Variants in MGAT4C observed in about 807,000 individuals in gnomAD.
MGAT4C encodes MGAT4 family member C, also known as alpha-1,3-mannosyl-glycoprotein 4-beta-N-acetylglucosaminyltransferase C.
Under a neutral mutation model 40.1 loss-of-function variants are expected in MGAT4C, and 19 were observed. That is an observed-to-expected ratio of 0.47 (90% CI 0.33 to 0.70). MGAT4C has a LOEUF of 0.70. MGAT4C is among the 30% of genes least tolerant of loss of function. MGAT4C has a pLI of 0.02. For missense variants in MGAT4C, 491 were observed against 563.2 expected, an observed-to-expected ratio of 0.87 and a Z score of 1.30; for synonymous variants, 181 against 187.1, an observed-to-expected ratio of 0.97 and a Z score of 0.27.
chr12:86,646,859 T>C (rs904918646), intron 2 of MGAT4C, among the ~76,000 whole-genome samples: 21 of 151,982 alleles, frequency 1.4e-4, no homozygotes, highest in Non-Finnish European at 2.6e-4. Context: ...TGGGGTAGAA[T>C]ATTATGTTTT....
chr12:86,768,486 A>C (rs943271167), intron 1 of MGAT4C, among the ~76,000 whole-genome samples: 2 of 151,988 alleles, frequency 1.3e-5, no homozygotes, highest in African/African-American at 4.8e-5. Flanking sequence ...CAAGCTACCA[A>C]TGACTTTCTT....
At chr12:86,767,578 G>A (rs562364625) in intron 1 of MGAT4C, among the ~76,000 whole-genome samples, 34 of 152,110 alleles carry the variant, frequency 2.2e-4, no homozygotes, top group Non-Finnish European at 8.8e-5. Context: ...GAGAATTTGA[G>A]ACCAATATCC....
At position 85,980,179 on chromosome 12, in the gene MGAT4C, C is replaced by G; in HGVS notation, c.547G>C (p.Asp183His). 1 of 1,613,932 alleles carries G rather than the reference C, an allele frequency of 6.2e-7. No individual in the cohort carries two copies. The highest frequency in any genetic ancestry group is 1.1e-5 in the South Asian group (1 of 91,080). ...HAPEEYYPIL[D>H]GLKRNYNDPE... ...TCATTGTAATTTCTTTTAAGGCCAT[C>G]TAGGATTGGGTAATACTCCTCTGGA... is the stretch of plus-strand genomic sequence containing the variant. The change falls in exon 5 of 5, where the codon GAT (aspartate) becomes CAT (histidine). Residue 183 changes from aspartate (D) to histidine (H), a missense_variant. By Grantham distance (81) the Asp-to-His change is moderately conservative (BLOSUM62 -1). Coordinates refer to ENST00000611864, the MANE Select transcript of MGAT4C (RefSeq NM_001351288.2).
At chr12:86,628,822 G>C (rs191531224) in intron 2 of MGAT4C, among the ~76,000 whole-genome samples, 308 of 152,208 alleles carry the variant, frequency 2.0e-3, no homozygotes, top group Non-Finnish European at 2.6e-3. Context: ...TTGACGCTAG[G>C]AAGAAACTGC....
chr12:85,964,478 A>C lies in MGAT4C; in HGVS notation c.*14811T>G, dbSNP rs117325149. The C allele has an allele frequency of 1.3e-5, 2 of 152,142 alleles. No individual in the cohort carries two copies. The highest frequency in any genetic ancestry group is 4.8e-5 in the African/African-American group (2 of 41,442). 9.4% of individuals were successfully genotyped at this position (152,142 alleles called of 1,614,324 possible). ...TTTCAGGTTCTTAAGCAACATTCCT[A>C]AGACTAGAACCTTATCTTGAAAAAT... is the stretch of plus-strand genomic sequence containing the variant. On this transcript the variant is annotated 3_prime_UTR_variant, in exon 5 of 5. Coordinates refer to ENST00000611864, the MANE Select transcript of MGAT4C (RefSeq NM_001351288.2).
intron 2 of MGAT4C, among the ~76,000 whole-genome samples, chr12:86,692,700 A>T (rs1308143218): frequency 6.6e-6 from 1 of 152,152 alleles, no homozygotes. Context: ...TAGTGGTGTA[A>T]GGATTTTTAA....
At chr12:86,163,371 TTTG>T (rs1490859546) in intron 1 of MGAT4C, among the ~76,000 whole-genome samples, 1 of 152,092 alleles carries the variant, frequency 6.6e-6, no homozygotes, top group South Asian at 2.1e-4. Flanking sequence ...TTAAAAACTT[TTTG>T]TAGAGACAGG....
intron 2 of MGAT4C, among the ~76,000 whole-genome samples, chr12:86,600,046 A>G (rs1565875245): frequency 6.6e-6 from 1 of 152,210 alleles, no homozygotes; most frequent in Non-Finnish European, 1.5e-5. Context: ...AGTAGCAAAC[A>G]GGGTGCTAAA....
At chr12:86,568,545 C>CATATATATATAT (rs1232291041) in intron 2 of MGAT4C, among the ~76,000 whole-genome samples, 321 of 138,744 alleles carry the variant, frequency 2.3e-3, no homozygotes, top group South Asian at 8.9e-3. Context: ...AACTCCCCTT[C>CATATATATATAT]ATATATATAT....
intron 2 of MGAT4C, among the ~76,000 whole-genome samples, chr12:85,992,627 A>G (rs1403013632): frequency 6.6e-6 from 1 of 152,262 alleles, no homozygotes; most frequent in African/African-American, 2.4e-5. Flanking sequence ...TGGAAAGTTA[A>G]GACAAAGCAA....
In MGAT4C at chr12:86,428,172, T is replaced by C. The variant is rs1445131953; in HGVS notation, c.-120+6985A>G. Among the ~76,000 whole-genome samples the C allele has an allele frequency of 6.6e-5, 10 of 152,326 alleles. 1 individual carries two copies. The South Asian group carries it at 1.9e-3, about 28-fold the overall frequency. ...ACATTTCAAGATCGAATTATTTATT[T>C]AGATTATTTCATTTAATTATATAAA... On this transcript the variant is annotated intron_variant, in intron 3 of 7. Coordinates refer to the MGAT4C transcript ENST00000548651.
chr12:85,988,939 T>C (rs73392036), intron 3 of MGAT4C, among the ~76,000 whole-genome samples: 12,806 of 152,036 alleles, frequency 0.084, 1,195 homozygotes, highest in African/African-American at 0.23. Flanking sequence ...TGTTACACAT[T>C]GTAATAAAAT....
intron 3 of MGAT4C, among the ~76,000 whole-genome samples, chr12:86,432,573 G>A (rs1250124153): frequency 2.0e-5 from 3 of 152,152 alleles, no homozygotes; most frequent in Non-Finnish European, 4.4e-5. Context: ...AAGGAAAGAA[G>A]TGCAGTGTGA....
At chr12:86,781,840 G>C (rs1181077663) in intron 1 of MGAT4C, among the ~76,000 whole-genome samples, 3 of 152,052 alleles carry the variant, frequency 2.0e-5, no homozygotes, top group Admixed American at 6.6e-5. Flanking sequence ...ACCTAAAGTT[G>C]TGTAGGTTTG....
At chr12:86,127,430 G>A (rs1253940001) in intron 1 of MGAT4C, among the ~76,000 whole-genome samples, 4 of 152,130 alleles carry the variant, frequency 2.6e-5, no homozygotes, top group Non-Finnish European at 4.4e-5. Flanking sequence ...GTGAGTAAAT[G>A]TGAAGGCCTA....
rs143467520 is a variant in MGAT4C, at chr12:86,381,183, C to T, written c.-119-47056G>A. ...GCTTTATAATGGTGTTCATTTGTCA[C>T]GTGGCTGTCAACTTGAGATTTTTGA... On this transcript the variant is annotated intron_variant, in intron 3 of 7. Coordinates refer to the MGAT4C transcript ENST00000548651. Among the ~76,000 whole-genome samples, 455 of 152,084 alleles carry T rather than the reference C, an allele frequency of 3.0e-3. 2 individuals are homozygous for T. The highest frequency in any genetic ancestry group is 0.01 in the African/African-American group (432 of 41,486).
chr12:86,588,085 C>T (rs1367741848), intron 2 of MGAT4C, among the ~76,000 whole-genome samples: 3 of 151,662 alleles, frequency 2.0e-5, no homozygotes, highest in Non-Finnish European at 2.9e-5. Flanking sequence ...GGCTGTGGGT[C>T]TGTCATAGAC....
intron 1 of MGAT4C, among the ~76,000 whole-genome samples, chr12:86,105,594 T>C (rs1159896936): frequency 1.3e-5 from 2 of 152,172 alleles, no homozygotes; most frequent in African/African-American, 2.4e-5. Flanking sequence ...GCAAGCTACA[T>C]ATCAGAAAAC....
intron 2 of MGAT4C, among the ~76,000 whole-genome samples, chr12:86,010,794 TCTGCC>T (rs1888393171): frequency 6.6e-6 from 1 of 152,196 alleles, no homozygotes; most frequent in Admixed American, 6.5e-5. Flanking sequence ...TCATGAGGCT[TCTGCC>T]CTTGTGAATG....
Sources: gnomAD v4.1 joint callset for allele counts (sites outside exome capture counted in the v4.1 genomes callset) on GRCh38, gnomAD v4.1.1 for gene constraint, MANE v1.5 for transcripts, NCBI Gene and HGNC (gene_info 2026-07-23, HGNC 2026-07-21) for gene names.